The following ZBTB7C variants were observed in gnomAD, a reference collection of about 807,000 sequenced individuals.
ZBTB7C encodes the protein zinc finger and BTB domain containing 7C, also known as zinc finger and BTB domain-containing protein 7C.
A neutral mutation model predicts 25.7 loss-of-function variants in ZBTB7C; 8 were observed. That is an observed-to-expected ratio of 0.31 (90% CI 0.18 to 0.56). ZBTB7C has a LOEUF of 0.56. Among genes scored for constraint, ZBTB7C ranks in the 20% least tolerant of loss-of-function variants. ZBTB7C has a pLI of 0.91. For missense variants in ZBTB7C, 824 were observed against 855.2 expected (o/e 0.96, Z 0.46); for synonymous variants, 394 against 369.0 (o/e 1.07, Z -0.78).
At chr18:48,076,419 A>C (rs2037766892) in intron 3 of ZBTB7C, among the ~76,000 whole-genome samples, 1 of 152,104 alleles carries the variant, frequency 6.6e-6, no homozygotes, top group Non-Finnish European at 1.5e-5. Flanking sequence ...GAGGAGGGTA[A>C]GGGGAGGGAG....
intron 3 of ZBTB7C, among the ~76,000 whole-genome samples, chr18:48,180,650 C>A (rs2145097886): frequency 6.6e-6 from 1 of 152,220 alleles, no homozygotes; most frequent in South Asian, 2.1e-4. Context: ...GCCCGCATAC[C>A]TTGGTGTTCT....
intron 1 of ZBTB7C, among the ~76,000 whole-genome samples, chr18:48,353,634 G>C (rs1172490971): frequency 2.0e-5 from 3 of 152,168 alleles, no homozygotes; most frequent in African/African-American, 7.2e-5. Flanking sequence ...CCTGATCTAA[G>C]CATTTCCAGA....
chr18:48,363,837 C>T (rs143389962), intron 1 of ZBTB7C, among the ~76,000 whole-genome samples: 209 of 152,042 alleles, frequency 1.4e-3, no homozygotes, highest in African/African-American at 4.8e-3. Flanking sequence ...TTTAAACATC[C>T]CACCCCTCAA....
chr18:48,332,673 C>CTTTTTTT (rs58216606), intron 2 of ZBTB7C, among the ~76,000 whole-genome samples: 6 of 85,712 alleles, frequency 7.0e-5, no homozygotes, highest in Non-Finnish European at 1.1e-4. Context: ...CTCTCCTTTG[C>CTTTTTTT]TTTTTTTTTT....
intron 2 of ZBTB7C, among the ~76,000 whole-genome samples, chr18:48,291,710 G>C (rs1162308835): frequency 1.3e-5 from 2 of 152,240 alleles, no homozygotes; most frequent in East Asian, 3.8e-4. Context: ...GGTCACTGCA[G>C]TCATTTTCCA....
At chr18:48,349,380 A>T (rs1467408589) in intron 1 of ZBTB7C, among the ~76,000 whole-genome samples, 1 of 152,210 alleles carries the variant, frequency 6.6e-6, no homozygotes, top group East Asian at 1.9e-4. Context: ...CCTAATGCCC[A>T]CCTAGCACCA....
At chr18:48,192,049 T>C (rs933716731) in intron 2 of ZBTB7C, among the ~76,000 whole-genome samples, 3 of 152,208 alleles carry the variant, frequency 2.0e-5, no homozygotes, top group African/African-American at 7.2e-5. Flanking sequence ...AACTAGGCTG[T>C]CCTTCAGTAG....
intron 2 of ZBTB7C, among the ~76,000 whole-genome samples, chr18:48,210,265 C>T (rs1164172157): frequency 1.3e-5 from 2 of 152,168 alleles, no homozygotes; most frequent in Admixed American, 1.3e-4. Flanking sequence ...CTGGCAGTTA[C>T]TCAAAAGGTT....
At chr18:48,292,031 T>C (rs1053930338) in intron 2 of ZBTB7C, among the ~76,000 whole-genome samples, 1 of 151,830 alleles carries the variant, frequency 6.6e-6, no homozygotes, top group Non-Finnish European at 1.5e-5. Flanking sequence ...AACCCCGTCT[T>C]TACTATAAAT....
At chr18:48,178,689 G>A (rs377186615) in intron 3 of ZBTB7C, among the ~76,000 whole-genome samples, 18 of 152,262 alleles carry the variant, frequency 1.2e-4, no homozygotes, top group Admixed American at 7.8e-4. Flanking sequence ...TCGTCAGAGC[G>A]GGTCTGGCAA....
chr18:48,055,797 C>G (rs984019267), intron 3 of ZBTB7C, among the ~76,000 whole-genome samples: 3 of 152,150 alleles, frequency 2.0e-5, no homozygotes, highest in African/African-American at 7.2e-5. Context: ...GCTACCACCG[C>G]TCGTCGTCTT....
At chr18:48,402,176 C>T (rs745448653) in intron 1 of ZBTB7C, among the ~76,000 whole-genome samples, 1 of 151,706 alleles carries the variant, frequency 6.6e-6, no homozygotes, top group Non-Finnish European at 1.5e-5. Flanking sequence ...GGAGTGAAGA[C>T]GTCCCCCAAA....
rs144984665 is a variant in ZBTB7C at position 48,097,135 on chromosome 18, C to T, written c.-16-56012G>A. On this transcript the variant is annotated intron_variant, in intron 3 of 4. Coordinates refer to ENST00000590800, the MANE Select transcript of ZBTB7C (RefSeq NM_001318841.2). ...TTCCCCTAGTTATAAAGGAATCCCA[C>T]TCACTGAACATAGTTGATTGGATCA... Among the ~76,000 whole-genome samples, 455 of 152,368 alleles carry T rather than the reference C, an allele frequency of 3.0e-3. 9 individuals are homozygous for T. Among genetic ancestry groups the T allele is most frequent in the Non-Finnish European group, 8.7e-4 (59 of 68,042 alleles).
intron 1 of ZBTB7C, among the ~76,000 whole-genome samples, chr18:48,372,549 C>A (rs1470328377): frequency 6.6e-6 from 1 of 152,150 alleles, no homozygotes; most frequent in Non-Finnish European, 1.5e-5. Context: ...TAAACCTTGA[C>A]GTGGGTTAAG....
chr18:48,217,391 C>G (rs2042849954), intron 2 of ZBTB7C, among the ~76,000 whole-genome samples: 1 of 152,308 alleles, frequency 6.6e-6, no homozygotes, highest in East Asian at 1.9e-4. Context: ...AGGCTTAAAA[C>G]CCGCGGAGGC....
intron 1 of ZBTB7C, among the ~76,000 whole-genome samples, chr18:48,343,053 G>A (rs543095739): frequency 9.2e-4 from 140 of 152,292 alleles, no homozygotes; most frequent in Middle Eastern, 3.4e-3. Context: ...ACACAGCCCA[G>A]CATCAAGAAA....
At chr18:48,066,890 T>C (rs972246766) in intron 3 of ZBTB7C, among the ~76,000 whole-genome samples, 16 of 152,206 alleles carry the variant, frequency 1.1e-4, no homozygotes, top group African/African-American at 3.9e-4. Context: ...TTGCCTGAGT[T>C]CAGGAGTTTG....
intron 3 of ZBTB7C, among the ~76,000 whole-genome samples, chr18:48,184,862 T>C (rs760454029): frequency 9.9e-5 from 15 of 152,038 alleles, no homozygotes; most frequent in Non-Finnish European, 2.1e-4. Flanking sequence ...ATTCCCTCTC[T>C]CTCTCTGAGA....
intron 2 of ZBTB7C, among the ~76,000 whole-genome samples, chr18:48,286,067 T>C (rs1427428210): frequency 2.0e-5 from 3 of 152,220 alleles, no homozygotes; most frequent in African/African-American, 7.2e-5. Context: ...TCCCCATACA[T>C]GTGAGGCCTT....
Sources: gnomAD v4.1 joint callset for allele counts (sites outside exome capture counted in the v4.1 genomes callset) on GRCh38, gnomAD v4.1.1 for gene constraint, MANE v1.5 for transcripts, NCBI Gene and HGNC (gene_info 2026-07-23, HGNC 2026-07-21) for gene names.